Variants in ADAM17 observed in about 807,000 individuals in gnomAD.
ADAM17 encodes the protein ADAM metallopeptidase domain 17, also known as disintegrin and metalloproteinase domain-containing protein 17.
In ADAM17, 39 loss-of-function variants were observed where a neutral mutation model predicts 96.7. That is an observed-to-expected ratio of 0.40 (90% CI 0.31 to 0.53). The LOEUF is 0.53. ADAM17 is among the 20% of genes least tolerant of loss of function. The probability of loss-of-function intolerance (pLI) is 0.44; values close to 1 mark genes in which losing one functional copy is unlikely to be tolerated. For missense variants in ADAM17, 777 were observed against 1,013.2 expected (o/e 0.77, Z 3.17); for synonymous variants, 344 against 359.2 (o/e 0.96, Z 0.48).
chr2:9,526,086 A>T (rs1249196172), intron 6 of ADAM17, 25 bp downstream of exon 6: 6 of 1,567,086 alleles, frequency 3.8e-6, no homozygotes, highest in Admixed American at 3.8e-5. Flanking sequence ...TTTTTCAATT[A>T]CTCGATGCAA....
At chr2:9,544,432 G>A (rs368151893) in intron 1 of ADAM17, among the ~76,000 whole-genome samples, 42 of 152,290 alleles carry the variant, frequency 2.8e-4, no homozygotes, top group African/African-American at 9.4e-4. Flanking sequence ...GTTTGAGGCA[G>A]GAGAATCGCT....
intron 4 of ADAM17, among the ~76,000 whole-genome samples, chr2:9,529,693 G>A (rs559328006): frequency 1.5e-4 from 23 of 152,188 alleles, no homozygotes; most frequent in Middle Eastern, 3.4e-3. Flanking sequence ...GAAAACTGCC[G>A]GGCGCGATGG....
intron 5 of ADAM17, 128 bp downstream of exon 5, chr2:9,527,658 C>A: frequency 1.6e-6 from 1 of 618,672 alleles, no homozygotes; most frequent in Non-Finnish European, 2.4e-6. Context: ...GAACAAACCT[C>A]TTATTTTCAT....
chr2:9,502,120 G>C (rs1178914131), intron 13 of ADAM17, 53 bp downstream of exon 13: 2 of 1,443,682 alleles, frequency 1.4e-6, no homozygotes, highest in Non-Finnish European at 1.9e-6. Flanking sequence ...GTTTTTCAAA[G>C]ACACACACAC....
At chr2:9,518,583 T>C (rs993533471) in intron 8 of ADAM17, among the ~76,000 whole-genome samples, 3 of 152,178 alleles carry the variant, frequency 2.0e-5, no homozygotes, top group African/African-American at 4.8e-5. Flanking sequence ...TCCAATTCGA[T>C]AAGGGGATTG....
At chr2:9,512,281 A>C (rs1251480336) in intron 10 of ADAM17, 1 of 152,180 alleles carries the variant, frequency 6.6e-6, no homozygotes, top group Non-Finnish European at 1.5e-5. Flanking sequence ...CAAAAATTTC[A>C]AATCAAATTT....
rs1665284796 is a variant in ADAM17, at chr2:9,543,206, A to T, written c.177T>A (p.Asp59Glu). 1.2e-6 allele frequency: 2 copies of T among 1,610,910 alleles called. No individual in the cohort carries two copies. The highest frequency in any genetic ancestry group is 1.7e-6 in the Non-Finnish European group (2 of 1,178,624). Residue 59 changes from aspartate (D) to glutamate (E), a missense_variant, in exon 2 of 19, where the codon GAT becomes GAA. Physicochemically the swap from Asp to Glu is conservative, Grantham distance 45. This residue lies in a region of ADAM17 where 134 missense variants were observed against 129.1 expected (regional missense o/e 1.04). Transcript: ENST00000310823. ...NIQQHSVRKR[D>E]LQTSTHVETL... ...TTTCTACATGTGTTGAAGTCTGTAG[A>T]TCTCTTTTTCTTACCGAATGCTGCT... is the stretch of plus-strand genomic sequence containing the variant.
chr2:9,503,950 T>C (rs1309656910), intron 12 of ADAM17, among the ~76,000 whole-genome samples: 1 of 151,846 alleles, frequency 6.6e-6, no homozygotes, highest in Non-Finnish European at 1.5e-5. Flanking sequence ...CCCAGGACTT[T>C]ACAACAAGCT....
At chr2:9,547,657 T>C (rs1235841459) in intron 1 of ADAM17, among the ~76,000 whole-genome samples, 1 of 151,848 alleles carries the variant, frequency 6.6e-6, no homozygotes, top group African/African-American at 2.4e-5. Flanking sequence ...GAATATGAAG[T>C]GTGAGGCTGG....
chr2:9,527,567 A>G (rs1664578146), intron 5 of ADAM17: 3 of 327,352 alleles, frequency 9.2e-6, no homozygotes, highest in Non-Finnish European at 5.5e-6. Flanking sequence ...AATCTTTTTT[A>G]AAGTCTAATC....
At chr2:9,512,465 T>A (rs2125011288) in intron 10 of ADAM17, 1 of 152,372 alleles carries the variant, frequency 6.6e-6, no homozygotes, top group South Asian at 2.1e-4. Flanking sequence ...TAGCCCTGGT[T>A]ACGGTCTTCT....
intron 15 of ADAM17, 138 bp from the exon 16 acceptor site, chr2:9,493,963 A>G: frequency 3.1e-6 from 2 of 637,900 alleles, no homozygotes; most frequent in South Asian, 2.1e-5. Context: ...CAAGGCAATA[A>G]CTTCCGCGTA....
intron 1 of ADAM17, among the ~76,000 whole-genome samples, chr2:9,547,159 T>C (rs570681099): frequency 6.6e-6 from 1 of 152,362 alleles, no homozygotes; most frequent in South Asian, 2.1e-4. Flanking sequence ...TGTTGTTTTG[T>C]TATGTGCTTT....
chr2:9,513,088 A>C (rs536528067), intron 10 of ADAM17, among the ~76,000 whole-genome samples: 160 of 152,076 alleles, frequency 1.1e-3, no homozygotes, highest in South Asian at 2.1e-3. Flanking sequence ...TCTGCCTCCC[A>C]GGTTCAAGCA....
rs12990165 is a variant in ADAM17, at chr2:9,520,929, C to A, written c.957+274G>T. Among the ~76,000 whole-genome samples, 70,736 of 129,728 alleles carry A rather than the reference C, an allele frequency of 0.55. 21,232 individuals are homozygous for A. Among genetic ancestry groups the A allele is most frequent in the Middle Eastern group, 0.75 (199 of 266 alleles). The allele number at this position is 129,728 out of a possible 152,430, so 85.1% of individuals were successfully genotyped here. On this transcript the variant is annotated intron_variant, in intron 8 of 18. Transcript: ENST00000310823. Reference sequence around the variant, plus strand: ...CGGTGAGCCAAGATCACGCCATTGCCCTCCAGCCAGGGCAACAAGAGTGAA... The same window carrying A: ...CGGTGAGCCAAGATCACGCCATTGCACTCCAGCCAGGGCAACAAGAGTGAA...
intron 12 of ADAM17, among the ~76,000 whole-genome samples, chr2:9,502,968 G>A (rs1303296598): frequency 4.1e-5 from 6 of 147,994 alleles, no homozygotes; most frequent in South Asian, 2.1e-4. Flanking sequence ...GTGAAACTCC[G>A]TCTCTACTAA....
At position 9,497,251 on chromosome 2, in the gene ADAM17, G is replaced by A; in HGVS notation, c.1649-3C>T. ...AGGCGGGCACTCACTGCTATTACCT[G>A]GAAGCAAACACCAGTCATAACAAAA... On this transcript the variant is annotated splice_polypyrimidine_tract_variant and splice_region_variant and intron_variant, in intron 13 of 18. Coordinates refer to ENST00000310823, the MANE Select transcript of ADAM17 (RefSeq NM_003183.6). 2 of 1,613,908 alleles carry A rather than the reference G, an allele frequency of 1.2e-6. No individual in the cohort carries two copies. Among genetic ancestry groups the A allele is most frequent in the Non-Finnish European group, 1.7e-6 (2 of 1,179,904 alleles).
At chr2:9,506,630 C>T (rs948514986) in intron 11 of ADAM17, among the ~76,000 whole-genome samples, 6 of 152,084 alleles carry the variant, frequency 3.9e-5, no homozygotes, top group African/African-American at 1.2e-4. Flanking sequence ...CTCCAAAGTG[C>T]TGGGATTACA....
At chr2:9,496,587 C>T (rs529508703) in intron 14 of ADAM17, 1 of 153,106 alleles carries the variant, frequency 6.5e-6, no homozygotes, top group East Asian at 1.9e-4. Flanking sequence ...ACTGACAGGC[C>T]AGCAGGAGAG....
Sources: gnomAD v4.1 joint callset for allele counts (sites outside exome capture counted in the v4.1 genomes callset) on GRCh38, gnomAD v4.1.1 for gene constraint, gnomAD v4.1.1 regional missense constraint, MANE v1.5 for transcripts, NCBI Gene and HGNC (gene_info 2026-07-23, HGNC 2026-07-21) for gene names.